The following TIMD4 variants were observed in gnomAD, a reference collection of about 807,000 sequenced individuals.
TIMD4 encodes the protein T cell immunoglobulin and mucin domain containing 4, also known as T-cell immunoglobulin and mucin domain-containing protein 4.
Under a neutral mutation model 41.2 loss-of-function variants are expected in TIMD4, and 31 were observed. That is an observed-to-expected ratio of 0.75 (90% CI 0.57 to 1.01). The LOEUF (loss-of-function observed/expected upper bound fraction) is 1.01. Among genes scored for constraint, TIMD4 ranks in the 50% least tolerant of loss-of-function variants. The pLI, the probability that TIMD4 is intolerant of heterozygous loss-of-function variation, is 0.00. For synonymous variants in TIMD4, 204 were observed against 177.1 expected (o/e 1.15, Z -1.21); for missense variants, 479 against 472.5 (o/e 1.01, Z -0.13).
chr5:156,954,056 G>GT (rs962612809), intron 2 of TIMD4, among the ~76,000 whole-genome samples: 5 of 152,238 alleles, frequency 3.3e-5, no homozygotes, highest in East Asian at 1.9e-4. Flanking sequence ...AGTTCATGCA[G>GT]TTTTTTTATT....
Position 156,954,407 on chromosome 5 carries a change from G to A in TIMD4, c.400+8C>T. ...CTTCCGCAGGCATGAGGCCCTTCGT[G>A]TGCTTACCTCTCTGTAGATTCAGGC... is the stretch of plus-strand genomic sequence containing the variant. On this transcript the variant is annotated splice_region_variant and intron_variant, in intron 2 of 8. Coordinates refer to ENST00000274532, the MANE Select transcript of TIMD4 (RefSeq NM_138379.3). 1 of 1,609,732 alleles carries A rather than the reference G, an allele frequency of 6.2e-7. No individual in the cohort carries two copies. Among genetic ancestry groups the A allele is most frequent in the Admixed American group, 1.7e-5 (1 of 59,812 alleles).
Position 156,960,849 on chromosome 5 carries a change from A to C in TIMD4, c.58+2292T>G, listed in dbSNP as rs1210275153. On this transcript the variant is annotated intron_variant, in intron 1 of 8. Coordinates refer to ENST00000274532, the MANE Select transcript of TIMD4 (RefSeq NM_138379.3). ...ATAGTCAAATGAGTGAGCATTTGCT[A>C]TAGAGTGACAAGTTTACAGATGCAG... 3.3e-5 allele frequency among the ~76,000 whole-genome samples: 5 copies of C among 152,366 alleles called. No homozygotes were observed. The East Asian group carries it at 9.6e-4, about 29-fold the overall frequency.
chr5:156,940,097 C>G (rs1054016147), intron 5 of TIMD4, among the ~76,000 whole-genome samples: 5 of 152,254 alleles, frequency 3.3e-5, no homozygotes, highest in African/African-American at 9.6e-5. Context: ...CCTGGGATTG[C>G]AGGCGCGTGC....
intron 5 of TIMD4, among the ~76,000 whole-genome samples, chr5:156,932,526 G>A (rs1369655583): frequency 3.3e-5 from 5 of 152,128 alleles, no homozygotes; most frequent in Admixed American, 3.3e-4. Context: ...CCCAACAAAG[G>A]CCTGCGAGGG....
intron 5 of TIMD4, among the ~76,000 whole-genome samples, chr5:156,940,179 A>T (rs1004024699): frequency 2.0e-5 from 3 of 152,208 alleles, no homozygotes; most frequent in African/African-American, 7.2e-5. Flanking sequence ...GCTGGTCTCC[A>T]GCTCCTGACC....
chr5:156,922,219 G>A lies in TIMD4; in HGVS notation c.895-3C>T. On this transcript the variant is annotated splice_polypyrimidine_tract_variant and splice_region_variant and intron_variant, in intron 6 of 8. Transcript: ENST00000274532. ...ATTGACATGGGTATTCCATCCATCTGATGGGACACAGGCAAGGAGATGGAC... is the reference window on the plus strand; with the variant it reads ...ATTGACATGGGTATTCCATCCATCTAATGGGACACAGGCAAGGAGATGGAC... The A allele has an allele frequency of 6.2e-7, 1 of 1,610,374 alleles. No individual in the cohort carries two copies. Among genetic ancestry groups the A allele is most frequent in the Non-Finnish European group, 8.5e-7 (1 of 1,176,816 alleles).
chr5:156,955,014 A>G (rs1434233818), intron 1 of TIMD4, among the ~76,000 whole-genome samples: 1 of 151,784 alleles, frequency 6.6e-6, no homozygotes, highest in East Asian at 1.9e-4. Context: ...AGTAGCTGGG[A>G]CCACAGGTGC....
Position 156,922,200 on chromosome 5 carries a change from A to C in TIMD4, c.911T>G (p.Met304Arg). The change falls in exon 7 of 9, where the codon ATG becomes AGG. Residue 304 changes from methionine (M) to arginine (R), a missense_variant. Coordinates refer to ENST00000274532, the MANE Select transcript of TIMD4 (RefSeq NM_138379.3). ...GATGGGCATTTCATTCTTCATTGAC[A>C]TGGGTATTCCATCCATCTGATGGGA... ...TKTGQMDGIP[M>R]SMKNEMPISQ... The C allele has an allele frequency of 2.5e-6, 4 of 1,613,822 alleles. No homozygotes were observed. Among genetic ancestry groups the C allele is most frequent in the Non-Finnish European group, 2.5e-6 (3 of 1,179,786 alleles).
chr5:156,925,559 C>T (rs1183010191), intron 6 of TIMD4, among the ~76,000 whole-genome samples: 1 of 152,170 alleles, frequency 6.6e-6, no homozygotes, highest in Non-Finnish European at 1.5e-5. Context: ...CTGCCTGAAG[C>T]TTTCACTTAA....
At chr5:156,925,544 C>T (rs1759331530) in intron 6 of TIMD4, among the ~76,000 whole-genome samples, 1 of 152,212 alleles carries the variant, frequency 6.6e-6, no homozygotes, top group African/African-American at 2.4e-5. Context: ...TTACAGACTT[C>T]TGTACTGCCT....
chr5:156,963,204 C>T lies in TIMD4; in HGVS notation c.-6G>A, dbSNP rs377400997. The T allele has an allele frequency of 9.4e-5, 151 of 1,614,054 alleles. No homozygotes were observed. The highest frequency in any genetic ancestry group is 6.4e-4 in the African/African-American group (48 of 75,060). Reference sequence around the variant, plus strand: ...ATGAGAGGTTCTTTGGACATTTTGACGGTTGACCGGACCCAGGAGTCTGTC... The same window carrying T: ...ATGAGAGGTTCTTTGGACATTTTGATGGTTGACCGGACCCAGGAGTCTGTC... On this transcript the variant is annotated 5_prime_UTR_variant, in exon 1 of 9. Coordinates refer to ENST00000274532, the MANE Select transcript of TIMD4 (RefSeq NM_138379.3).
intron 2 of TIMD4, 123 bp downstream of exon 2, chr5:156,954,292 A>G: frequency 2.1e-6 from 2 of 958,780 alleles, no homozygotes; most frequent in Non-Finnish European, 3.0e-6. Context: ...ACTTTATTTC[A>G]AATTCAATCT....
intron 5 of TIMD4, among the ~76,000 whole-genome samples, chr5:156,937,197 C>T (rs1244514574): frequency 1.3e-5 from 2 of 152,078 alleles, no homozygotes; most frequent in African/African-American, 2.4e-5. Context: ...TTGCCCAAGG[C>T]TGCATAGCTA....
intron 7 of TIMD4, 50 bp downstream of exon 7, chr5:156,922,049 G>A: frequency 7.0e-7 from 1 of 1,426,922 alleles, no homozygotes; most frequent in Non-Finnish European, 9.8e-7. Flanking sequence ...AGATCCTCCT[G>A]CAGTCGCCAG....
At chr5:156,935,944 T>C (rs1759533040) in intron 5 of TIMD4, among the ~76,000 whole-genome samples, 2 of 152,186 alleles carry the variant, frequency 1.3e-5, no homozygotes, top group Non-Finnish European at 2.9e-5. Context: ...AGCTGATCAA[T>C]AAATCTTCAA....
intron 5 of TIMD4, among the ~76,000 whole-genome samples, chr5:156,937,413 G>A (rs1286738270): frequency 1.3e-5 from 2 of 152,184 alleles, no homozygotes; most frequent in East Asian, 3.8e-4. Flanking sequence ...AGAACACACT[G>A]AGGTTTACTC....
chr5:156,947,483 T>A (rs1196513482), intron 5 of TIMD4, among the ~76,000 whole-genome samples: 2 of 152,214 alleles, frequency 1.3e-5, no homozygotes, highest in Non-Finnish European at 2.9e-5. Context: ...GAGGTATGCA[T>A]GTGCTAGGAT....
intron 2 of TIMD4, among the ~76,000 whole-genome samples, chr5:156,952,945 T>C (rs1028055511): frequency 2.0e-5 from 3 of 152,164 alleles, no homozygotes; most frequent in African/African-American, 7.2e-5. Context: ...TTTCAGACAG[T>C]AAAGATTGGT....
At chr5:156,937,975 T>C (rs1759571008) in intron 5 of TIMD4, among the ~76,000 whole-genome samples, 1 of 152,184 alleles carries the variant, frequency 6.6e-6, no homozygotes, top group South Asian at 2.1e-4. Context: ...TGAGTACAAA[T>C]GTGGTTTCCT....
Sources: allele counts gnomAD v4.1 joint callset (sites outside exome capture counted in the v4.1 genomes callset), GRCh38; gene constraint gnomAD v4.1.1; transcripts MANE v1.5; gene names NCBI Gene and HGNC (gene_info 2026-07-23, HGNC 2026-07-21).